Variants in DIAPH2 observed in about 807,000 individuals in gnomAD.
DIAPH2 encodes the protein protein diaphanous homolog 2.
A neutral mutation model predicts 92.7 loss-of-function variants in DIAPH2; 35 were observed. The ratio of observed to expected loss-of-function variants is 0.38; its 90% confidence interval spans 0.29 to 0.50. The LOEUF (loss-of-function observed/expected upper bound fraction) is 0.50, where lower values mean the gene tolerates loss of function less well. Ranked by LOEUF, DIAPH2 falls within the 20% of genes least tolerant of loss-of-function variation. The pLI is 0.94. For synonymous variants in DIAPH2, 301 were observed against 280.4 expected, an observed-to-expected ratio of 1.07 and a Z score of -0.73; for missense variants, 701 against 819.5, an observed-to-expected ratio of 0.86 and a Z score of 1.77.
chrX:97,252,676 A>G (rs2068197869), intron 23 of DIAPH2, among the ~76,000 whole-genome samples: 1 of 109,026 alleles, frequency 9.2e-6, no homozygotes, highest in African/African-American at 3.3e-5. Context: ...TTGACAAAAT[A>G]GAAATGAAAG....
At chrX:97,347,249 T>C (rs1435279641) in intron 23 of DIAPH2, among the ~76,000 whole-genome samples, 2 of 107,979 alleles carry the variant, frequency 1.9e-5, no homozygotes, top group Non-Finnish European at 3.8e-5. Flanking sequence ...TCACCATGCC[T>C]GGCTAATTTT....
intron 22 of DIAPH2, among the ~76,000 whole-genome samples, chrX:97,209,318 ATT>A (rs1160226240): frequency 9.0e-6 from 1 of 111,152 alleles, no homozygotes; most frequent in Non-Finnish European, 1.9e-5. Flanking sequence ...AGTTTTATGT[ATT>A]TTATGTTACT....
In DIAPH2 at chrX:97,259,124, C is replaced by T. The variant is rs754267190; in HGVS notation, c.2844+11285C>T. 9.2e-5 allele frequency among the ~76,000 whole-genome samples: 10 copies of T among 109,219 alleles called. No homozygotes were observed. The East Asian group carries it at 2.7e-3, about 29-fold the overall frequency. The allele number at this position is 109,219 out of a possible 115,157, so 94.8% of individuals were successfully genotyped here. A position where few individuals can be genotyped will look rare whatever the true frequency, so the allele number is the denominator to read the frequency against. On this transcript the variant is annotated intron_variant, in intron 23 of 26. Transcript: ENST00000324765. ...CAAAAATTACCCAGGCATGGTGGCA[C>T]GTGCCACCATGAGTAGTCCCATGAG...
chrX:96,778,867 C>T (rs2064396406), intron 4 of DIAPH2, among the ~76,000 whole-genome samples: 2 of 111,789 alleles, frequency 1.8e-5, no homozygotes, highest in South Asian at 3.7e-4. Flanking sequence ...TGTTCTTCCT[C>T]AGTACATCAC....
At chrX:97,179,817 T>C (rs2067524639) in intron 22 of DIAPH2, among the ~76,000 whole-genome samples, 1 of 111,924 alleles carries the variant, frequency 8.9e-6, no homozygotes. Context: ...TCCACATGGC[T>C]GGGGAGGCCT....
rs1009866458 is a variant in DIAPH2, at chrX:96,778,383, A to T, written c.447+20125A>T. On this transcript the variant is annotated intron_variant, in intron 4 of 26. Coordinates refer to ENST00000324765, the MANE Select transcript of DIAPH2 (RefSeq NM_006729.5). ...ATTTTAAAATTGTTAACATTATGTT[A>T]TATTTGCTTTATCATTCTCTTTTAA... Among the ~76,000 whole-genome samples, 4 of 110,706 alleles carry T rather than the reference A, an allele frequency of 3.6e-5. No individual in the cohort carries two copies. In the Admixed American group the frequency reaches 3.9e-4, roughly 11 times the overall value.
At chrX:97,027,377 A>T in intron 17 of DIAPH2, among the ~76,000 whole-genome samples, 1 of 112,363 alleles carries the variant, frequency 8.9e-6, no homozygotes, top group Admixed American at 9.4e-5. Context: ...CTTCTTAGCA[A>T]TACTTAATTG....
intron 26 of DIAPH2, among the ~76,000 whole-genome samples, chrX:97,436,318 A>G (rs1602588114): frequency 9.0e-6 from 1 of 111,695 alleles, no homozygotes; most frequent in Middle Eastern, 4.6e-3. Context: ...AGTTCTAGAC[A>G]TTAAAAAAAC....
chrX:97,412,601 C>G (rs180925080), intron 25 of DIAPH2, among the ~76,000 whole-genome samples: 2 of 111,416 alleles, frequency 1.8e-5, no homozygotes, highest in Non-Finnish European at 3.8e-5. Flanking sequence ...TTCAAAAAAT[C>G]AATGAATCCA....
At chrX:96,894,626 C>G (rs1323247842) in intron 5 of DIAPH2, among the ~76,000 whole-genome samples, 1 of 111,478 alleles carries the variant, frequency 9.0e-6, no homozygotes, top group Non-Finnish European at 1.9e-5. Flanking sequence ...TGGGGGTATT[C>G]TCTGACCTTG....
At chrX:97,096,506 C>T (rs995049569) in intron 19 of DIAPH2, among the ~76,000 whole-genome samples, 3 of 111,296 alleles carry the variant, frequency 2.7e-5, no homozygotes, top group East Asian at 2.8e-4. Context: ...TGCCAGCTTC[C>T]ATGTGGCAAC....
At chrX:97,129,362 T>A (rs767691678) in intron 21 of DIAPH2, among the ~76,000 whole-genome samples, 2 of 108,548 alleles carry the variant, frequency 1.8e-5, no homozygotes, top group Non-Finnish European at 3.8e-5. Flanking sequence ...AGATGAGGTT[T>A]CACCATATAG....
chrX:96,692,309 TG>T (rs2063801889), intron 1 of DIAPH2, among the ~76,000 whole-genome samples: 1 of 111,951 alleles, frequency 8.9e-6, no homozygotes, highest in African/African-American at 3.2e-5. Flanking sequence ...TCCTACATAC[TG>T]TCACGTCTTT....
intron 25 of DIAPH2, among the ~76,000 whole-genome samples, chrX:97,409,654 G>C (rs2069846819): frequency 9.0e-6 from 1 of 111,209 alleles, no homozygotes; most frequent in African/African-American, 3.3e-5. Flanking sequence ...TGGAAAATCG[G>C]GACACTCCCA....
chrX:96,715,493 T>A (rs3132104), intron 1 of DIAPH2, among the ~76,000 whole-genome samples: 1 of 111,605 alleles, frequency 9.0e-6, no homozygotes, highest in East Asian at 2.8e-4. Context: ...TAGGGACACT[T>A]GTTGCAATTC....
chrX:97,427,483 G>C (rs769511734), intron 25 of DIAPH2, among the ~76,000 whole-genome samples: 2 of 111,413 alleles, frequency 1.8e-5, no homozygotes, highest in Non-Finnish European at 3.8e-5. Flanking sequence ...TCTTATCTCA[G>C]TATGTTGTGA....
chrX:97,308,547 C>T, intron 23 of DIAPH2, among the ~76,000 whole-genome samples: 1 of 108,723 alleles, frequency 9.2e-6, no homozygotes, highest in Non-Finnish European at 1.9e-5. Flanking sequence ...TTTTAGGAGG[C>T]TGAGGCTGGC....
intron 25 of DIAPH2, among the ~76,000 whole-genome samples, chrX:97,415,706 G>A (rs919688249): frequency 2.8e-5 from 3 of 107,363 alleles, no homozygotes; most frequent in African/African-American, 1.0e-4. Context: ...CGTGTTGTGG[G>A]GTGGGGGGCA....
At chrX:97,007,573 TGATGATTTTAGGATCTATTCTTTA>T (rs2066191695) in intron 17 of DIAPH2, among the ~76,000 whole-genome samples, 1 of 110,429 alleles carries the variant, frequency 9.1e-6, no homozygotes, top group African/African-American at 3.3e-5. Context: ...TCCTTTCTTT[TGATGATTTTAGGATCTATTCTTTA>T]TCTGTTACTT....
Sources: allele counts gnomAD v4.1 joint callset (sites outside exome capture counted in the v4.1 genomes callset), GRCh38; gene constraint gnomAD v4.1.1; transcripts MANE v1.5; gene names NCBI Gene and HGNC (gene_info 2026-07-23, HGNC 2026-07-21).